Variants in TEAD1 observed in about 807,000 individuals in gnomAD.
TEAD1 encodes the protein transcriptional enhancer factor TEF-1.
A neutral mutation model predicts 54.9 loss-of-function variants in TEAD1; 9 were observed. That is an observed-to-expected ratio of 0.16 (90% CI 0.10 to 0.29). The LOEUF is 0.29. TEAD1 is among the 10% of genes least tolerant of loss of function. The probability of loss-of-function intolerance (pLI) is 1.00; values close to 1 mark genes in which losing one functional copy is unlikely to be tolerated. For synonymous variants in TEAD1, 200 were observed against 187.8 expected (o/e 1.07, Z -0.53); for missense variants, 387 against 535.9 (o/e 0.72, Z 2.74).
intron 2 of TEAD1, among the ~76,000 whole-genome samples, chr11:12,712,004 A>G (rs2133853006): frequency 6.6e-6 from 1 of 152,188 alleles, no homozygotes; most frequent in African/African-American, 2.4e-5. Context: ...CTCTTTCTTC[A>G]TGAAAGCTCC....
At chr11:12,859,048 C>T (rs925584716) in intron 3 of TEAD1, among the ~76,000 whole-genome samples, 1 of 152,114 alleles carries the variant, frequency 6.6e-6, no homozygotes, top group East Asian at 1.9e-4. Context: ...ATGGGACCAC[C>T]ATCATGTATG....
At chr11:12,684,176 T>TA (rs143072197) in intron 2 of TEAD1, among the ~76,000 whole-genome samples, 6,081 of 152,276 alleles carry the variant, frequency 0.04, 402 homozygotes, top group African/African-American at 0.14. Context: ...GGCAAGCCCA[T>TA]AAAGCCCTTG....
chr11:12,781,145 A>T (rs560444062), intron 3 of TEAD1, among the ~76,000 whole-genome samples: 45 of 152,366 alleles, frequency 3.0e-4, no homozygotes. Flanking sequence ...GCGAAGAGTG[A>T]AGTCGGATCC....
intron 2 of TEAD1, among the ~76,000 whole-genome samples, chr11:12,708,945 C>G (rs1389245490): frequency 6.6e-6 from 1 of 152,170 alleles, no homozygotes; most frequent in Non-Finnish European, 1.5e-5. Flanking sequence ...ATATCAAATG[C>G]TAATAGCGAT....
rs1491142610 is a variant in TEAD1 at position 12,862,005 on chromosome 11, TTA to T, written c.203-244_203-243del. On this transcript the variant is annotated intron_variant, in intron 3 of 12. Coordinates refer to ENST00000527636, the MANE Select transcript of TEAD1 (RefSeq NM_021961.6). ...CTGTCTTTTTTTTTTTTTTTTTTTT[TTA>T]AAAAAAAGGATAAATTTCTATTCTT... Among the ~76,000 whole-genome samples, 207 of 136,796 alleles carry T rather than the reference TTA, an allele frequency of 1.5e-3. 1 individual carries two copies. The highest frequency in any genetic ancestry group is 5.1e-3 in the South Asian group (22 of 4,310). The allele number at this position is 136,796 out of a possible 152,430, so 89.7% of individuals were successfully genotyped here. A position where few individuals can be genotyped will look rare whatever the true frequency, so the allele number is the denominator to read the frequency against.
chr11:12,682,026 C>T (rs1321465677), intron 2 of TEAD1, among the ~76,000 whole-genome samples: 1 of 152,128 alleles, frequency 6.6e-6, no homozygotes, highest in East Asian at 1.9e-4. Context: ...GGCTTAGGTG[C>T]GTTGTGGTAG....
intron 3 of TEAD1, among the ~76,000 whole-genome samples, chr11:12,812,124 A>C (rs558793445): frequency 6.6e-6 from 1 of 152,288 alleles, no homozygotes; most frequent in East Asian, 1.9e-4. Context: ...GGTGGTGCTC[A>C]GAAACACTGT....
At chr11:12,896,756 G>C (rs1948321932) in intron 9 of TEAD1, among the ~76,000 whole-genome samples, 1 of 152,212 alleles carries the variant, frequency 6.6e-6, no homozygotes, top group Non-Finnish European at 1.5e-5. Flanking sequence ...GGGAAAGATA[G>C]AATTCTAAGT....
intron 2 of TEAD1, among the ~76,000 whole-genome samples, chr11:12,713,899 C>T (rs1228132528): frequency 6.6e-6 from 1 of 152,220 alleles, no homozygotes; most frequent in Non-Finnish European, 1.5e-5. Context: ...GGCCTCACTT[C>T]TCTCAGTAAG....
chr11:12,865,724 A>C (rs964368749), intron 5 of TEAD1, among the ~76,000 whole-genome samples: 4 of 152,166 alleles, frequency 2.6e-5, no homozygotes, highest in African/African-American at 7.2e-5. Flanking sequence ...CCTTTATAAA[A>C]TTTATAATAA....
chr11:12,849,800 A>AT (rs2134048690), intron 3 of TEAD1, among the ~76,000 whole-genome samples: 1 of 152,292 alleles, frequency 6.6e-6, no homozygotes, highest in South Asian at 2.1e-4. Flanking sequence ...CAAAAACCTC[A>AT]TTCCTGCTAT....
intron 2 of TEAD1, among the ~76,000 whole-genome samples, chr11:12,759,875 A>G (rs941311800): frequency 6.6e-6 from 1 of 152,218 alleles, no homozygotes; most frequent in Non-Finnish European, 1.5e-5. Context: ...AGCAAAAAAA[A>G]TTATCTCCAA....
chr11:12,720,708 A>G (rs919295438), intron 2 of TEAD1, among the ~76,000 whole-genome samples: 1 of 152,186 alleles, frequency 6.6e-6, no homozygotes. Context: ...AGAGCTCTGT[A>G]AGTGGTCTGA....
At chr11:12,694,371 ACTTGCAGTTTACTTC>A (rs1215849123) in intron 2 of TEAD1, among the ~76,000 whole-genome samples, 1 of 151,572 alleles carries the variant, frequency 6.6e-6, no homozygotes, top group East Asian at 1.9e-4. Context: ...TCTTGCTTTT[ACTTGCAGTTTACTTC>A]CTTATATACA....
At chr11:12,845,753 C>T (rs1036136410) in intron 3 of TEAD1, among the ~76,000 whole-genome samples, 12 of 152,238 alleles carry the variant, frequency 7.9e-5, no homozygotes, top group African/African-American at 2.9e-4. Context: ...CAAGACAAGT[C>T]TATCCAAGAG....
chr11:12,898,460 T>C (rs989532901), intron 9 of TEAD1, among the ~76,000 whole-genome samples: 3 of 151,642 alleles, frequency 2.0e-5, no homozygotes, highest in African/African-American at 7.3e-5. Flanking sequence ...AGTGGTGTGA[T>C]CTTGGCTCAC....
intron 2 of TEAD1, among the ~76,000 whole-genome samples, chr11:12,689,035 A>G (rs760506754): frequency 3.6e-5 from 5 of 137,970 alleles, no homozygotes; most frequent in South Asian, 2.3e-4. Flanking sequence ...GTTGTTGTTT[A>G]TTTGTTTGTT....
chr11:12,749,569 T>A (rs1215707077), intron 2 of TEAD1, among the ~76,000 whole-genome samples: 1 of 152,128 alleles, frequency 6.6e-6, no homozygotes, highest in Non-Finnish European at 1.5e-5. Context: ...GACTGCTGGC[T>A]GGAGAGGGCT....
At chr11:12,910,501 TAAA>T (rs1393367264) in intron 10 of TEAD1, among the ~76,000 whole-genome samples, 1 of 152,130 alleles carries the variant, frequency 6.6e-6, no homozygotes, top group Non-Finnish European at 1.5e-5. Context: ...ATTGGAATAA[TAAA>T]GAAGAAAGCA....
Sources: gnomAD v4.1 joint callset for allele counts (sites outside exome capture counted in the v4.1 genomes callset) on GRCh38, gnomAD v4.1.1 for gene constraint, MANE v1.5 for transcripts, NCBI Gene and HGNC (gene_info 2026-07-23, HGNC 2026-07-21) for gene names.